Variants in FOXP2 observed in about 807,000 individuals in gnomAD.
FOXP2 encodes forkhead box P2.
FOXP2 carries 12 observed loss-of-function variants against 115.8 expected under a neutral mutation model. The ratio of observed to expected loss-of-function variants is 0.10; its 90% confidence interval spans 0.07 to 0.17. The LOEUF (loss-of-function observed/expected upper bound fraction) is 0.17. Among genes scored for constraint, FOXP2 ranks in the 10% least tolerant of loss-of-function variants. FOXP2 has a pLI of 1.00. For synonymous variants in FOXP2, 328 were observed against 297.7 expected, an observed-to-expected ratio of 1.10 and a Z score of -1.05; for missense variants, 629 against 843.5, an observed-to-expected ratio of 0.75 and a Z score of 3.15.
intron 3 of FOXP2, among the ~76,000 whole-genome samples, chr7:114,548,094 T>C (rs1214552653): frequency 6.6e-6 from 1 of 152,182 alleles, no homozygotes; most frequent in Non-Finnish European, 1.5e-5. Context: ...TGCCCCTATG[T>C]AGCTTTTGTC....
intron 1 of FOXP2, among the ~76,000 whole-genome samples, chr7:114,091,437 C>A (rs1344012291): frequency 3.3e-5 from 5 of 151,738 alleles, no homozygotes; most frequent in Admixed American, 3.3e-4. Context: ...GTTGCCTTGG[C>A]GATTTGCTGT....
At chr7:114,396,227 T>A (rs899644033) in intron 2 of FOXP2, among the ~76,000 whole-genome samples, 6 of 152,074 alleles carry the variant, frequency 3.9e-5, no homozygotes, top group African/African-American at 1.2e-4. Flanking sequence ...AATTCAATTG[T>A]TTTAATTTTT....
intron 2 of FOXP2, among the ~76,000 whole-genome samples, chr7:114,322,894 A>T (rs1055114225): frequency 6.6e-6 from 1 of 152,150 alleles, no homozygotes; most frequent in Admixed American, 6.5e-5. Context: ...TAGGTTTTGT[A>T]TGGCTGCTCC....
chr7:114,342,621 T>C (rs1791245396), intron 2 of FOXP2, among the ~76,000 whole-genome samples: 1 of 151,440 alleles, frequency 6.6e-6, no homozygotes, highest in Non-Finnish European at 1.5e-5. Context: ...AAGAGCTTGA[T>C]TGATAGGTGA....
intron 2 of FOXP2, chr7:114,498,773 G>A: frequency 1.4e-6 from 1 of 697,668 alleles, no homozygotes; most frequent in Non-Finnish European, 2.7e-6. Flanking sequence ...AATTTTATAG[G>A]CATACTTTGC....
chr7:114,533,225 G>T (rs1799226332), intron 2 of FOXP2, among the ~76,000 whole-genome samples: 1 of 151,964 alleles, frequency 6.6e-6, no homozygotes, highest in Non-Finnish European at 1.5e-5. Flanking sequence ...TTAGGAGATG[G>T]TGCTAGTGCA....
chr7:114,098,074 CAA>C (rs1226656652), intron 1 of FOXP2, among the ~76,000 whole-genome samples: 1 of 152,076 alleles, frequency 6.6e-6, no homozygotes, highest in African/African-American at 2.4e-5. Flanking sequence ...GTGGGGATAA[CAA>C]GAGAGGTAAA....
intron 1 of FOXP2, among the ~76,000 whole-genome samples, chr7:114,133,881 C>A (rs1039364505): frequency 2.0e-5 from 3 of 152,168 alleles, no homozygotes; most frequent in Admixed American, 6.5e-5. Context: ...GCATGAAAGA[C>A]CTTGCCAGGA....
chr7:114,644,929 A>G, intron 8 of FOXP2, 140 bp downstream of exon 8: 1 of 648,646 alleles, frequency 1.5e-6, no homozygotes, highest in East Asian at 2.8e-5. Context: ...GTGGGTTCCA[A>G]CAAGTGGATT....
chr7:114,558,855 G>A (rs1018024686), intron 3 of FOXP2, among the ~76,000 whole-genome samples: 1 of 152,106 alleles, frequency 6.6e-6, no homozygotes, highest in African/African-American at 2.4e-5. Flanking sequence ...GAGGTTAGTG[G>A]CTCCTACTTG....
chr7:114,437,584 G>T (rs1414978945), intron 2 of FOXP2, among the ~76,000 whole-genome samples: 1 of 152,144 alleles, frequency 6.6e-6, no homozygotes, highest in Admixed American at 6.5e-5. Context: ...AACATTAATA[G>T]ATTAGTAGAG....
At chr7:114,515,666 G>A (rs1314791903) in intron 2 of FOXP2, among the ~76,000 whole-genome samples, 3 of 151,930 alleles carry the variant, frequency 2.0e-5, no homozygotes, top group East Asian at 3.9e-4. Flanking sequence ...CATTTTGTGG[G>A]TTGCCTGTTC....
Position 114,523,393 on chromosome 7 carries a change from G to C in FOXP2, c.169-11224G>C, listed in dbSNP as rs1025590876. On this transcript the variant is annotated intron_variant, in intron 2 of 16. Transcript: ENST00000350908. ...ACCAAGGCCTCTCTCTTCTCAAATGGTTTTTCCCTCACCATCCCTTTCCTC... is the reference window on the plus strand; with the variant it reads ...ACCAAGGCCTCTCTCTTCTCAAATGCTTTTTCCCTCACCATCCCTTTCCTC... Among the ~76,000 whole-genome samples, 5 of 152,084 alleles carry C rather than the reference G, an allele frequency of 3.3e-5. No individual in the cohort carries two copies. In the East Asian group the frequency reaches 9.6e-4, roughly 29 times the overall value.
At chr7:114,275,048 G>A (rs988985022) in intron 1 of FOXP2, among the ~76,000 whole-genome samples, 4 of 151,876 alleles carry the variant, frequency 2.6e-5, no homozygotes, top group African/African-American at 9.7e-5. Context: ...TTCTGTATAA[G>A]TAAGGTGTTC....
intron 2 of FOXP2, among the ~76,000 whole-genome samples, chr7:114,383,939 C>G (rs1042421418): frequency 2.0e-5 from 3 of 152,184 alleles, no homozygotes; most frequent in Non-Finnish European, 4.4e-5. Context: ...GTGATGCTCA[C>G]CAATGTAGCA....
intron 1 of FOXP2, among the ~76,000 whole-genome samples, chr7:114,207,719 G>C (rs1167042081): frequency 6.6e-6 from 1 of 151,960 alleles, no homozygotes; most frequent in Non-Finnish European, 1.5e-5. Context: ...AGTATGTTAA[G>C]GTTTATAGCA....
intron 1 of FOXP2, among the ~76,000 whole-genome samples, chr7:114,136,431 T>C (rs1241845881): frequency 1.3e-5 from 2 of 152,008 alleles, no homozygotes; most frequent in African/African-American, 2.4e-5. Context: ...GGGTATGAAA[T>C]AGGTGGTAGT....
At chr7:114,295,243 C>T (rs1796714288) in intron 2 of FOXP2, among the ~76,000 whole-genome samples, 1 of 152,128 alleles carries the variant, frequency 6.6e-6, no homozygotes, top group African/African-American at 2.4e-5. Flanking sequence ...CTGCTTTTTA[C>T]AGCCCATATC....
At chr7:114,556,963 CTG>C (rs1800495008) in intron 3 of FOXP2, among the ~76,000 whole-genome samples, 1 of 152,132 alleles carries the variant, frequency 6.6e-6, no homozygotes, top group African/African-American at 2.4e-5. Context: ...TACATCTACT[CTG>C]TTACTATGCT....
Sources: gnomAD v4.1 joint callset for allele counts (sites outside exome capture counted in the v4.1 genomes callset) on GRCh38, gnomAD v4.1.1 for gene constraint, MANE v1.5 for transcripts, NCBI Gene and HGNC (gene_info 2026-07-23, HGNC 2026-07-21) for gene names.